SPIDR: variants seen among roughly 807,000 people sequenced by gnomAD.
SPIDR encodes scaffold protein involved in DNA repair.
A neutral mutation model predicts 104.6 loss-of-function variants in SPIDR; 93 were observed. The observed-to-expected ratio is 0.89, with a 90% CI of 0.75 to 1.06. The LOEUF is 1.06. SPIDR is among the 50% of genes least tolerant of loss of function. The pLI is 0.00. For missense variants in SPIDR, 1,154 were observed against 1,111.2 expected (o/e 1.04, Z -0.55); for synonymous variants, 431 against 416.9 (o/e 1.03, Z -0.41).
chr8:47,593,011 C>T (rs1358336342), intron 8 of SPIDR, among the ~76,000 whole-genome samples: 1 of 152,018 alleles, frequency 6.6e-6, no homozygotes. Flanking sequence ...CTCAGCCTCC[C>T]GAGTAGCTGG....
chr8:47,735,648 A>C lies in SPIDR; in HGVS notation c.*198A>C, dbSNP rs534184269. 8.8e-7 allele frequency: 1 copy of C among 1,134,048 alleles called. No homozygotes were observed. Among genetic ancestry groups the C allele is most frequent in the Non-Finnish European group, 1.2e-6 (1 of 827,660 alleles). The allele number at this position is 1,134,048 out of a possible 1,614,324, so 70.2% of individuals were successfully genotyped here. On this transcript the variant is annotated 3_prime_UTR_variant, in exon 20 of 20. Coordinates refer to ENST00000297423, the MANE Select transcript of SPIDR (RefSeq NM_001080394.4). The stretch of plus-strand genomic sequence containing the variant: ...ATCAAAATACCTTTTTCTACAGTTT[A>C]TCTTTTATTTTCTGCAAATTTAGGA...
chr8:47,354,789 G>A (rs1053736537), intron 5 of SPIDR, among the ~76,000 whole-genome samples: 2 of 148,660 alleles, frequency 1.3e-5, no homozygotes, highest in African/African-American at 5.0e-5. Flanking sequence ...CTGTAGGCAC[G>A]TACCACCATG....
chr8:47,310,803 G>A (rs1447552386), intron 5 of SPIDR, among the ~76,000 whole-genome samples: 1 of 152,108 alleles, frequency 6.6e-6, no homozygotes, highest in African/African-American at 2.4e-5. Flanking sequence ...ACAAGAAAGA[G>A]TTCAGAGGTG....
At position 47,723,083 on chromosome 8, in the gene SPIDR, C is replaced by G. The variant is rs537671806; in HGVS notation, c.2342-4117C>G. On this transcript the variant is annotated intron_variant, in intron 16 of 19. Transcript: ENST00000297423. Reference sequence around the variant, plus strand: ...GAGTTTCACTGTGTTGCCCAGGCTGCTCTCAAACTCCTGACCTCAAGTGAT... The same window carrying G: ...GAGTTTCACTGTGTTGCCCAGGCTGGTCTCAAACTCCTGACCTCAAGTGAT... 4.6e-5 allele frequency among the ~76,000 whole-genome samples: 7 copies of G among 152,090 alleles called. No homozygotes were observed. In the South Asian group the frequency reaches 1.2e-3, roughly 27 times the overall value.
At chr8:47,355,392 A>G (rs781822708) in intron 5 of SPIDR, among the ~76,000 whole-genome samples, 16 of 150,862 alleles carry the variant, frequency 1.1e-4, no homozygotes, top group Middle Eastern at 3.4e-3. Context: ...GTATTCATTA[A>G]TGCCTTTCTA....
intron 5 of SPIDR, among the ~76,000 whole-genome samples, chr8:47,327,602 G>T (rs1478983322): frequency 1.3e-5 from 2 of 151,946 alleles, no homozygotes; most frequent in East Asian, 3.9e-4. Context: ...CTGTTCTGTT[G>T]CCCAGGTTGG....
intron 10 of SPIDR, among the ~76,000 whole-genome samples, chr8:47,663,702 A>G (rs1000655766): frequency 2.6e-5 from 4 of 152,234 alleles, no homozygotes; most frequent in Non-Finnish European, 5.9e-5. Context: ...CTTGTGTACA[A>G]ATTCAGAATG....
At chr8:47,534,577 ATAAGAACT>A (rs1030086881) in intron 8 of SPIDR, among the ~76,000 whole-genome samples, 2 of 152,194 alleles carry the variant, frequency 1.3e-5, no homozygotes, top group Non-Finnish European at 2.9e-5. Flanking sequence ...GAGCTAAATG[ATAAGAACT>A]TAAGAACACA....
At chr8:47,367,024 T>C (rs955330934) in intron 5 of SPIDR, among the ~76,000 whole-genome samples, 1 of 152,246 alleles carries the variant, frequency 6.6e-6, no homozygotes, top group South Asian at 2.1e-4. Context: ...TGGCTTATAC[T>C]CCTGTGATTA....
Position 47,297,520 on chromosome 8 carries a change from A to G in SPIDR, c.525+3490A>G, listed in dbSNP as rs1399364873. Among the ~76,000 whole-genome samples the G allele has an allele frequency of 2.0e-5, 3 of 151,942 alleles. No individual in the cohort carries two copies. In the East Asian group the frequency reaches 5.8e-4, roughly 29 times the overall value. On this transcript the variant is annotated intron_variant, in intron 5 of 19. Transcript: ENST00000297423. The stretch of plus-strand genomic sequence containing the variant: ...TGTGCAAAACGTGCAGGTTTGTTAC[A>G]TATGTATACATGTGCCATGTCGGTG...
rs781822708 is a variant in SPIDR, at chr8:47,355,392, A to C, written c.526-40984A>C. ...TCATTCATTATGTCCGTATTCATTA[A>C]TGCCTTTCTAGAATCTGATAGAATG... is the stretch of plus-strand genomic sequence containing the variant. On this transcript the variant is annotated intron_variant, in intron 5 of 19. Coordinates refer to ENST00000297423, the MANE Select transcript of SPIDR (RefSeq NM_001080394.4). Among the ~76,000 whole-genome samples the C allele has an allele frequency of 6.0e-5, 9 of 150,862 alleles. No individual in the cohort carries two copies. The East Asian group carries it at 1.6e-3, about 26-fold the overall frequency.
chr8:47,473,107 G>C (rs1554721933), intron 8 of SPIDR, among the ~76,000 whole-genome samples: 1 of 152,154 alleles, frequency 6.6e-6, no homozygotes, highest in Non-Finnish European at 1.5e-5. Flanking sequence ...GCACACTCAT[G>C]CTTTTGGACA....
At chr8:47,284,278 G>A (rs1313425730) in intron 3 of SPIDR, among the ~76,000 whole-genome samples, 184 bp downstream of exon 3, 3 of 152,258 alleles carry the variant, frequency 2.0e-5, no homozygotes, top group Admixed American at 6.5e-5. Flanking sequence ...CGCTGTCACC[G>A]TCTACCCCAT....
intron 8 of SPIDR, among the ~76,000 whole-genome samples, chr8:47,489,941 G>A (rs556909515): frequency 2.6e-5 from 4 of 152,164 alleles, no homozygotes; most frequent in Admixed American, 2.0e-4. Flanking sequence ...CATAGGCATG[G>A]GCAAGGACTC....
chr8:47,503,442 G>T (rs899827870), intron 8 of SPIDR, among the ~76,000 whole-genome samples: 1 of 152,138 alleles, frequency 6.6e-6, no homozygotes, highest in African/African-American at 2.4e-5. Flanking sequence ...TGTTTTATCA[G>T]ACACTAGGAT....
At chr8:47,708,855 T>G (rs2081445098) in intron 14 of SPIDR, among the ~76,000 whole-genome samples, 1 of 152,216 alleles carries the variant, frequency 6.6e-6, no homozygotes, top group Non-Finnish European at 1.5e-5. Context: ...CTCGTTTCCT[T>G]TTGAGTGCTG....
intron 8 of SPIDR, among the ~76,000 whole-genome samples, chr8:47,489,287 A>G (rs1182240841): frequency 2.0e-5 from 3 of 152,248 alleles, no homozygotes; most frequent in East Asian, 1.9e-4. Context: ...TGGGAATCCA[A>G]CTTACAAGGG....
chr8:47,662,673 T>A (rs2074306994), intron 10 of SPIDR, among the ~76,000 whole-genome samples: 1 of 152,254 alleles, frequency 6.6e-6, no homozygotes, highest in South Asian at 2.1e-4. Flanking sequence ...AATTTTAAAT[T>A]AAGAATAATG....
Position 47,322,979 on chromosome 8 carries a change from C to G in SPIDR, c.525+28949C>G, listed in dbSNP as rs185055313. ...TGGAGGGATAGCATTAGGAGGTATA[C>G]CTAATGTTAAATGACGAGTTACTGT... On this transcript the variant is annotated intron_variant, in intron 5 of 19. Coordinates refer to ENST00000297423, the MANE Select transcript of SPIDR (RefSeq NM_001080394.4). Among the ~76,000 whole-genome samples the G allele has an allele frequency of 2.8e-3, 420 of 151,836 alleles. 1 individual carries two copies. Among genetic ancestry groups the G allele is most frequent in the African/African-American group, 9.9e-3 (410 of 41,406 alleles).
Sources: allele counts gnomAD v4.1 joint callset (sites outside exome capture counted in the v4.1 genomes callset), GRCh38; gene constraint gnomAD v4.1.1; transcripts MANE v1.5; gene names NCBI Gene and HGNC (gene_info 2026-07-23, HGNC 2026-07-21).